ATAD5: variants seen among roughly 807,000 people sequenced by gnomAD.
The protein encoded by ATAD5 is ATPase family AAA domain-containing protein 5.
In ATAD5, 58 loss-of-function variants were observed where a neutral mutation model predicts 176.9. The ratio of observed to expected loss-of-function variants is 0.33; its 90% CI spans 0.27 to 0.41. The LOEUF (loss-of-function observed/expected upper bound fraction) is 0.41, where lower values mean the gene tolerates loss of function less well. Ranked by LOEUF, ATAD5 falls within the 10% of genes least tolerant of loss-of-function variation. The pLI is 1.00. For missense variants in ATAD5, 1,789 were observed against 2,094.1 expected, an observed-to-expected ratio of 0.85 and a Z score of 2.84; for synonymous variants, 640 against 712.6, an observed-to-expected ratio of 0.90 and a Z score of 1.62.
At chr17:30,875,914 G>A (rs1380195573) in intron 14 of ATAD5, among the ~76,000 whole-genome samples, 1 of 151,850 alleles carries the variant, frequency 6.6e-6, no homozygotes, top group African/African-American at 2.4e-5. Context: ...GAGGCGGGTA[G>A]ATCACGAGGT....
At chr17:30,867,797 G>T (rs562389929) in intron 11 of ATAD5, among the ~76,000 whole-genome samples, 9 of 152,228 alleles carry the variant, frequency 5.9e-5, no homozygotes, top group African/African-American at 2.2e-4. Flanking sequence ...GTAGAGACAG[G>T]TTTCGCTGTG....
chr17:30,855,057 C>A, intron 6 of ATAD5, 86 bp from the exon 7 acceptor site: 1 of 1,273,924 alleles, frequency 7.8e-7, no homozygotes, highest in Non-Finnish European at 1.1e-6. Flanking sequence ...CCATGCCCAG[C>A]CCTAAAAATG....
chr17:30,886,641 G>A (rs1465074095), intron 18 of ATAD5, among the ~76,000 whole-genome samples: 2 of 151,612 alleles, frequency 1.3e-5, no homozygotes, highest in Non-Finnish European at 2.9e-5. Context: ...GGCACAGTGG[G>A]TCATGCCTAT....
intron 6 of ATAD5, among the ~76,000 whole-genome samples, chr17:30,845,584 TG>T (rs1870101172): frequency 6.6e-6 from 1 of 152,292 alleles, no homozygotes; most frequent in Admixed American, 6.5e-5. Flanking sequence ...GAGAGGTGGG[TG>T]CCAGCCAATG....
rs535709459 is a variant in ATAD5 at position 30,874,261 on chromosome 17, G to A, written c.3608-2113G>A. Among the ~76,000 whole-genome samples, 3 of 151,722 alleles carry A rather than the reference G, an allele frequency of 2.0e-5. No individual in the cohort carries two copies. The East Asian group carries it at 5.9e-4, about 30-fold the overall frequency. On this transcript the variant is annotated intron_variant, in intron 14 of 22. Transcript: ENST00000321990. Reference sequence around the variant, plus strand: ...TCAAAATAAGAAAAATAAGGACAAAGGCCAGGCACGGTGGCTCATGCCTGT... The same window carrying A: ...TCAAAATAAGAAAAATAAGGACAAAAGCCAGGCACGGTGGCTCATGCCTGT...
Position 30,843,885 on chromosome 17 carries a change from T to C in ATAD5, c.2242-28T>C, listed in dbSNP as rs769372481. 6.9e-5 allele frequency: 83 copies of C among 1,210,466 alleles called. No homozygotes were observed. The Admixed American group carries it at 1.6e-3, about 23-fold the overall frequency. 75.0% of individuals were successfully genotyped at this position (1,210,466 alleles called of 1,614,324 possible). ...AATGATATTAATTATATGATTTAAT[T>C]AAAATTTATTCTCTTATTTTGTCTT... On this transcript the variant is annotated intron_variant, in intron 4 of 22. Transcript: ENST00000321990.
At chr17:30,876,054 G>A (rs1482538246) in intron 14 of ATAD5, among the ~76,000 whole-genome samples, 2 of 150,188 alleles carry the variant, frequency 1.3e-5, no homozygotes, top group Non-Finnish European at 3.0e-5. Flanking sequence ...GGAGAATGGC[G>A]TGAACCCAGG....
intron 6 of ATAD5, among the ~76,000 whole-genome samples, chr17:30,852,213 A>G (rs1907012772): frequency 6.6e-6 from 1 of 152,128 alleles, no homozygotes; most frequent in Non-Finnish European, 1.5e-5. Context: ...CATTCATATT[A>G]GTTATTTTGA....
rs1447947010 is a variant in ATAD5, at chr17:30,835,240, A to C, written c.1159A>C (p.Ser387Arg). 2 of 1,614,074 alleles carry C rather than the reference A, an allele frequency of 1.2e-6. No homozygotes were observed. The highest frequency in any genetic ancestry group is 2.2e-5 in the South Asian group (2 of 91,024). The change falls in exon 2 of 23, where the codon AGT becomes CGT. Residue 387 changes from serine to arginine, a missense_variant. Transcript: ENST00000321990. Reference protein sequence around the residue: ...ELELAVLEAGSSEAVKPKCTL... With the variant: ...ELELAVLEAGRSEAVKPKCTL... ...AGAATTGGCTGTTTTGGAAGCTGGA[A>C]GTTCTGAAGCTGTGAAACCAAAATG...
At chr17:30,875,638 A>G (rs1908609794) in intron 14 of ATAD5, among the ~76,000 whole-genome samples, 1 of 151,868 alleles carries the variant, frequency 6.6e-6, no homozygotes, top group African/African-American at 2.4e-5. Context: ...TCTACTAAAA[A>G]TACAAACGAT....
In ATAD5 at chr17:30,834,729, A is replaced by G. The variant is rs150438654; in HGVS notation, c.648A>G (p.Leu216=). ...GGAAATGCAGAGATGTAGTAGATCT[A>G]TCTGAAAGCTTACCCTTGGCAGAGG... ...RKRKCRDVVD[L]SESLPLAEEL... is the part of the protein sequence containing the mutation. The change falls in exon 2 of 23, where the codon CTA becomes CTG. Residue 216 remains leucine, a synonymous_variant. Transcript: ENST00000321990. 12 of 1,613,816 alleles carry G rather than the reference A, an allele frequency of 7.4e-6. No individual in the cohort carries two copies. The African/African-American group carries it at 1.2e-4, about 16-fold the overall frequency.
At chr17:30,879,041 A>C (rs1052924017) in intron 17 of ATAD5, among the ~76,000 whole-genome samples, 1 of 151,896 alleles carries the variant, frequency 6.6e-6, no homozygotes, top group Non-Finnish European at 1.5e-5. Flanking sequence ...TGGTAGTTTT[A>C]TTAGAAGATC....
In ATAD5 at chr17:30,837,333, A is replaced by C. The variant is rs1166724670; in HGVS notation, c.2076+19A>C. ...TAGAAAGGTAATTAAAATATTAGAG[A>C]GTCCTATAAGTGCCATTCTGTTTCC... On this transcript the variant is annotated intron_variant, in intron 3 of 22. Transcript: ENST00000321990. 1 of 1,430,076 alleles carries C rather than the reference A, an allele frequency of 7.0e-7. No individual in the cohort carries two copies. Among genetic ancestry groups the C allele is most frequent in the African/African-American group, 1.5e-5 (1 of 68,548 alleles). 88.6% of individuals were successfully genotyped at this position (1,430,076 alleles called of 1,614,324 possible).
rs888106949 is a variant in ATAD5 at position 30,859,057 on chromosome 17, C to T, written c.2956+734C>T. 5.3e-5 allele frequency among the ~76,000 whole-genome samples: 8 copies of T among 152,072 alleles called. No individual in the cohort carries two copies. The South Asian group carries it at 8.3e-4, about 16-fold the overall frequency. On this transcript the variant is annotated intron_variant, in intron 9 of 22. Transcript: ENST00000321990. ...AGCCTAACGTGTCAGTTTTGAAAAA[C>T]ACTAAGACTTAACCAATGACACTTG...
chr17:30,893,853 G>A lies in ATAD5; in HGVS notation c.5000G>A (p.Arg1667Lys). 1 of 1,613,908 alleles carries A rather than the reference G, an allele frequency of 6.2e-7. No individual in the cohort carries two copies. Among genetic ancestry groups the A allele is most frequent in the Non-Finnish European group, 8.5e-7 (1 of 1,179,876 alleles). The stretch of plus-strand genomic sequence containing the variant: ...TTAGATGCACTTTTAACTGATGTAA[G>A]GGAACAAAACAAATACGGTAGAAAT... ...SFLDALLTDV[R>K]EQNKYGRNDF... Residue 1667 changes from arginine (R) to lysine (K), a missense_variant, in exon 21 of 23, where the codon AGG becomes AAG. Arg to Lys is a conservative substitution (Grantham distance 26). Transcript: ENST00000321990.
At chr17:30,873,694 T>C (rs1908477266) in intron 14 of ATAD5, among the ~76,000 whole-genome samples, 1 of 151,212 alleles carries the variant, frequency 6.6e-6, no homozygotes, top group Non-Finnish European at 1.5e-5. Context: ...ATTGCCTTTT[T>C]TTTTTTTTTT....
At chr17:30,872,202 G>A (rs1321891261) in intron 14 of ATAD5, among the ~76,000 whole-genome samples, 1 of 152,098 alleles carries the variant, frequency 6.6e-6, no homozygotes, top group African/African-American at 2.4e-5. Flanking sequence ...AGTGTGAGCC[G>A]TCACCACGCC....
intron 6 of ATAD5, among the ~76,000 whole-genome samples, chr17:30,850,832 T>A (rs1906846752): frequency 4.4e-5 from 1 of 22,646 alleles, no homozygotes; most frequent in Non-Finnish European, 6.8e-5. Flanking sequence ...TTTATATATT[T>A]TTATATATAT....
intron 18 of ATAD5, among the ~76,000 whole-genome samples, chr17:30,883,883 A>G (rs750792916): frequency 6.6e-6 from 1 of 152,022 alleles, no homozygotes; most frequent in Non-Finnish European, 1.5e-5. Flanking sequence ...TTAATTTTTT[A>G]ATGTGACTCC....
Sources: gnomAD v4.1 joint callset for allele counts (sites outside exome capture counted in the v4.1 genomes callset) on GRCh38, gnomAD v4.1.1 for gene constraint, MANE v1.5 for transcripts, NCBI Gene and HGNC (gene_info 2026-07-23, HGNC 2026-07-21) for gene names.